WWOX: variants seen among roughly 807,000 people sequenced by gnomAD.
WWOX encodes the protein WW domain-containing oxidoreductase.
In WWOX, 69 loss-of-function variants were observed where a neutral mutation model predicts 46.2. That is an observed-to-expected ratio of 1.49 (90% confidence interval 1.23 to 1.82). The LOEUF (loss-of-function observed/expected upper bound fraction) is 1.82. Ranked by LOEUF, WWOX falls within the 40% of genes most tolerant of loss-of-function variation. The pLI, the probability that WWOX is intolerant of heterozygous loss-of-function variation, is 0.00. For synonymous variants in WWOX, 359 were observed against 202.6 expected (o/e 1.77, Z -6.56); for missense variants, 919 against 542.6 (o/e 1.69, Z -6.89).
chr16:78,810,508 G>C (rs2051160425), intron 8 of WWOX, among the ~76,000 whole-genome samples: 2 of 152,258 alleles, frequency 1.3e-5, no homozygotes, highest in African/African-American at 4.8e-5. Flanking sequence ...TGAGATTCTT[G>C]GATCCATATT....
intron 8 of WWOX, among the ~76,000 whole-genome samples, chr16:78,953,684 G>T (rs1018573562): frequency 6.6e-6 from 1 of 152,098 alleles, no homozygotes; most frequent in Non-Finnish European, 1.5e-5. Flanking sequence ...ATTTCGGTAG[G>T]CAGTGACAGA....
intron 5 of WWOX, among the ~76,000 whole-genome samples, chr16:78,363,023 C>T (rs2081445162): frequency 6.6e-6 from 1 of 152,254 alleles, no homozygotes; most frequent in East Asian, 1.9e-4. Context: ...GGGGAGAAGA[C>T]TTTCCTTCTG....
chr16:78,490,541 C>G (rs138237825), intron 8 of WWOX, among the ~76,000 whole-genome samples: 1 of 152,250 alleles, frequency 6.6e-6, no homozygotes, highest in East Asian at 1.9e-4. Context: ...GGGCTAGTTT[C>G]AGACTTCTGG....
chr16:78,760,795 A>G (rs1188117814), intron 8 of WWOX, among the ~76,000 whole-genome samples: 1 of 152,172 alleles, frequency 6.6e-6, no homozygotes, highest in Non-Finnish European at 1.5e-5. Flanking sequence ...CTCTGCTGAT[A>G]AAGACATACC....
intron 5 of WWOX, among the ~76,000 whole-genome samples, chr16:78,327,346 G>A (rs72792361): frequency 0.03 from 4,580 of 152,198 alleles, 124 homozygotes; most frequent in African/African-American, 0.071. Context: ...AGCTTTCAAA[G>A]CCAGTTGTCA....
At chr16:79,137,110 C>T (rs904139140) in intron 8 of WWOX, among the ~76,000 whole-genome samples, 1 of 152,194 alleles carries the variant, frequency 6.6e-6, no homozygotes, top group East Asian at 1.9e-4. Context: ...TATTCTCACG[C>T]TTCCAGAAGG....
At chr16:78,406,303 A>AT (rs2082532800) in intron 6 of WWOX, among the ~76,000 whole-genome samples, 1 of 57,834 alleles carries the variant, frequency 1.7e-5, no homozygotes. Flanking sequence ...TATAAATATA[A>AT]ATATATATAT....
chr16:78,564,923 C>T (rs1007185857), intron 8 of WWOX, among the ~76,000 whole-genome samples: 11 of 152,004 alleles, frequency 7.2e-5, no homozygotes, highest in African/African-American at 2.7e-4. Context: ...TGTATTTATC[C>T]ATGCCATCTG....
chr16:78,541,663 C>T (rs946123584), intron 8 of WWOX, among the ~76,000 whole-genome samples: 4 of 151,902 alleles, frequency 2.6e-5, no homozygotes, highest in African/African-American at 9.7e-5. Flanking sequence ...CATGAATTGG[C>T]TGTGAGGTGT....
chr16:78,356,008 A>G (rs1482222929), intron 5 of WWOX, among the ~76,000 whole-genome samples: 1 of 143,960 alleles, frequency 6.9e-6, no homozygotes, highest in Non-Finnish European at 1.5e-5. Flanking sequence ...TTCTTAAGCT[A>G]AATGGTATTT....
intron 8 of WWOX, among the ~76,000 whole-genome samples, chr16:79,174,698 C>T (rs1307272253): frequency 1.3e-5 from 2 of 152,074 alleles, no homozygotes; most frequent in Admixed American, 1.3e-4. Flanking sequence ...CTATGTCCGC[C>T]CTAAGCACTG....
At chr16:78,756,998 C>T (rs766325608) in intron 8 of WWOX, 5 of 702,822 alleles carry the variant, frequency 7.1e-6, no homozygotes, top group Non-Finnish European at 1.3e-5. Context: ...AAGAACTGAG[C>T]CTCCTGCCAA....
At chr16:78,635,098 C>A (rs992230536) in intron 8 of WWOX, among the ~76,000 whole-genome samples, 1 of 152,104 alleles carries the variant, frequency 6.6e-6, no homozygotes, top group Admixed American at 6.5e-5. Flanking sequence ...AATGTGATTA[C>A]GCCAGGAAGT....
At chr16:78,283,713 A>T (rs2079721628) in intron 5 of WWOX, among the ~76,000 whole-genome samples, 2 of 152,286 alleles carry the variant, frequency 1.3e-5, no homozygotes, top group South Asian at 4.1e-4. Context: ...GAAAAAAAAA[A>T]AGAAGAAAAA....
chr16:78,720,520 C>T (rs571556922), intron 8 of WWOX, among the ~76,000 whole-genome samples: 2 of 151,308 alleles, frequency 1.3e-5, no homozygotes, highest in African/African-American at 2.4e-5. Context: ...CCTTAGGACC[C>T]AGTTACTCTC....
chr16:79,031,858 A>G (rs1214611007), intron 8 of WWOX, among the ~76,000 whole-genome samples: 1 of 143,636 alleles, frequency 7.0e-6, no homozygotes, highest in Non-Finnish European at 1.5e-5. Flanking sequence ...TATATTATAT[A>G]TATAGATAGA....
chr16:78,707,020 T>C lies in WWOX; in HGVS notation c.1056+274268T>C, dbSNP rs546918691. ...CCTAGTAGGCCTAAGGAGACCATGA[T>C]CCATGTAAACCATGGAATATTTTAA... is the stretch of plus-strand genomic sequence containing the variant. On this transcript the variant is annotated intron_variant, in intron 8 of 8. Transcript: ENST00000566780. Among the ~76,000 whole-genome samples, 10 of 152,272 alleles carry C rather than the reference T, an allele frequency of 6.6e-5. No homozygotes were observed. The East Asian group carries it at 1.7e-3, about 26-fold the overall frequency.
At chr16:79,030,689 A>G (rs1016103568) in intron 8 of WWOX, among the ~76,000 whole-genome samples, 4 of 152,166 alleles carry the variant, frequency 2.6e-5, no homozygotes, top group African/African-American at 9.7e-5. Context: ...TCTTGGGCTC[A>G]CCGCTGCTTG....
At chr16:78,717,922 C>T (rs1295683462) in intron 8 of WWOX, among the ~76,000 whole-genome samples, 5 of 152,160 alleles carry the variant, frequency 3.3e-5, no homozygotes, top group Non-Finnish European at 7.3e-5. Flanking sequence ...GGACCCAACA[C>T]CAAGTGTCTT....
Sources: allele counts gnomAD v4.1 joint callset (sites outside exome capture counted in the v4.1 genomes callset), GRCh38; gene constraint gnomAD v4.1.1; transcripts MANE v1.5; gene names NCBI Gene and HGNC (gene_info 2026-07-23, HGNC 2026-07-21).